SMAD7: variants seen among roughly 807,000 people sequenced by gnomAD.
SMAD7 encodes SMAD family member 7, also known as MAD (mothers against decapentaplegic, Drosophila) homolog 7.
Under a neutral mutation model 38.7 loss-of-function variants are expected in SMAD7, and 8 were observed. The observed-to-expected ratio is 0.21, with a 90% CI of 0.12 to 0.37. The LOEUF (loss-of-function observed/expected upper bound fraction) is 0.37. Among genes scored for constraint, SMAD7 ranks in the 10% least tolerant of loss-of-function variants. SMAD7 has a pLI of 1.00. For missense variants in SMAD7, 477 were observed against 577.9 expected (o/e 0.83, Z 1.79); for synonymous variants, 327 against 265.1 (o/e 1.23, Z -2.27).
chr18:48,926,331 A>AAG (rs1568298476), intron 3 of SMAD7, among the ~76,000 whole-genome samples: 25 of 152,060 alleles, frequency 1.6e-4, no homozygotes, highest in African/African-American at 6.0e-4. Flanking sequence ...CTTGGGGAAA[A>AAG]AAGCCAGTAA....
Position 48,921,215 on chromosome 18 carries a change from CACAA to C in SMAD7, c.*153_*156del. 1 of 650,540 alleles carries C rather than the reference CACAA, an allele frequency of 1.5e-6. No homozygotes were observed. 40.3% of individuals were successfully genotyped at this position (650,540 alleles called of 1,614,324 possible). A position where few individuals can be genotyped will look rare whatever the true frequency, so the allele number is the denominator to read the frequency against. ...TCTCAAAGAGCGAAACAAAACAGAA[CACAA>C]ACGAGGACGAGAAGAAGAAAACCAA... On this transcript the variant is annotated 3_prime_UTR_variant, in exon 4 of 4. Transcript: ENST00000262158. This position sits in a 1 kb window ranked among gnomAD's most constrained non-coding sequence, Gnocchi z 6.4.
intron 3 of SMAD7, among the ~76,000 whole-genome samples, chr18:48,930,726 T>C (rs12456328): frequency 0.86 from 131,210 of 152,144 alleles, 56,735 homozygotes; most frequent in Middle Eastern, 0.93. Flanking sequence ...TGCCGACACA[T>C]GAGGCACAAG....
intron 1 of SMAD7, chr18:48,949,290 A>G: frequency 2.0e-6 from 2 of 985,100 alleles, no homozygotes; most frequent in Middle Eastern, 5.2e-4. Flanking sequence ...CGGCCACGAC[A>G]GTATCTGGGC....
At chr18:48,924,752 G>C (rs1169210098) in intron 3 of SMAD7, among the ~76,000 whole-genome samples, 2 of 152,112 alleles carry the variant, frequency 1.3e-5, no homozygotes, top group African/African-American at 4.8e-5. Flanking sequence ...CCTCCCGTTA[G>C]GACAGCTCCA....
intron 3 of SMAD7, 73 bp downstream of exon 3, chr18:48,942,408 C>T: frequency 9.5e-7 from 1 of 1,056,712 alleles, no homozygotes; most frequent in South Asian, 1.6e-5. Flanking sequence ...CAGAAGGCCA[C>T]CCCCATTCCT....
At chr18:48,949,245 T>C in intron 1 of SMAD7, 11 of 982,394 alleles carry the variant, frequency 1.1e-5, no homozygotes, top group Non-Finnish European at 1.3e-5. Context: ...CGGCCTTCCA[T>C]CCAACTCTCT....
intron 2 of SMAD7, among the ~76,000 whole-genome samples, chr18:48,944,232 AC>A (rs1055682491): frequency 2.0e-5 from 3 of 151,912 alleles, no homozygotes; most frequent in African/African-American, 7.3e-5. Context: ...GATGGAAGAC[AC>A]CCCCACATTA....
In SMAD7 at chr18:48,950,642, C is replaced by T. The variant is rs1410651203; in HGVS notation, c.-218G>A. On this transcript the variant is annotated 5_prime_UTR_variant, in exon 1 of 4. Coordinates refer to ENST00000262158, the MANE Select transcript of SMAD7 (RefSeq NM_005904.4). ...GGCGCGCGCGGGGGCCCGGGGGCGC[C>T]CGCCGGGGATCGGGGGCCTGCGCTC... is the stretch of plus-strand genomic sequence containing the variant. The T allele has an allele frequency of 5.9e-6, 1 of 169,024 alleles. No homozygotes were observed. The highest frequency in any genetic ancestry group is 1.6e-4 in the East Asian group (1 of 6,352). 10.5% of individuals were successfully genotyped at this position (169,024 alleles called of 1,614,324 possible).
chr18:48,932,275 TCC>T (rs1264366320), intron 3 of SMAD7, among the ~76,000 whole-genome samples: 1 of 152,110 alleles, frequency 6.6e-6, no homozygotes, highest in African/African-American at 2.4e-5. Flanking sequence ...TCATTTAACC[TCC>T]GAGTGAGCCA....
chr18:48,925,272 A>C (rs558488381), intron 3 of SMAD7, among the ~76,000 whole-genome samples: 120 of 152,344 alleles, frequency 7.9e-4, no homozygotes, highest in African/African-American at 2.8e-3. Flanking sequence ...GTTTTAAAAC[A>C]GTATGTGTTC....
At chr18:48,933,872 C>A (rs2070032417) in intron 3 of SMAD7, 1 of 152,306 alleles carries the variant, frequency 6.6e-6, no homozygotes, top group African/African-American at 2.4e-5. Context: ...ACCCCAGGGC[C>A]CTTGTTGTGT....
chr18:48,935,170 C>A (rs1318699209), intron 3 of SMAD7, among the ~76,000 whole-genome samples: 1 of 152,146 alleles, frequency 6.6e-6, no homozygotes, highest in Non-Finnish European at 1.5e-5. Flanking sequence ...AACAGAGAGG[C>A]TGGGGGGCAG....
chr18:48,949,681 T>C (rs951398277), intron 1 of SMAD7, 131 bp downstream of exon 1: 4 of 967,706 alleles, frequency 4.1e-6, no homozygotes, highest in South Asian at 3.9e-5. Flanking sequence ...CCCAGGAGGG[T>C]ATGCACACTC....
Position 48,950,482 on chromosome 18 carries a change from C to T in SMAD7, c.-58G>A, listed in dbSNP as rs2070251267. 6.8e-7 allele frequency: 1 copy of T among 1,471,354 alleles called. No individual in the cohort carries two copies. 91.1% of individuals were successfully genotyped at this position (1,471,354 alleles called of 1,614,324 possible). On this transcript the variant is annotated 5_prime_UTR_variant, in exon 1 of 4. Transcript: ENST00000262158. ...GCCTGCTAAGGAGCGAACATGACCTCCGCACACCATGAAGAAGTCGGGCGC... is the reference window on the plus strand; with the variant it reads ...GCCTGCTAAGGAGCGAACATGACCTTCGCACACCATGAAGAAGTCGGGCGC...
chr18:48,943,276 C>T (rs553888535), intron 2 of SMAD7, among the ~76,000 whole-genome samples: 2 of 152,284 alleles, frequency 1.3e-5, no homozygotes, highest in South Asian at 4.2e-4. Context: ...GGCTCTCTGC[C>T]CTCAGTTCCT....
rs754787305 is a variant in SMAD7, at chr18:48,950,044, C to T, written c.381G>A (p.Leu127=). Residue 127 remains leucine (L), a synonymous_variant, in exon 1 of 4, where the codon CTG becomes CTA. Coordinates refer to ENST00000262158, the MANE Select transcript of SMAD7 (RefSeq NM_005904.4). ...GCCTGCAGTCCAGGCGGCCGGGCAG[C>T]AGGAGGCACGCGGTGCGCGTCCCGC... ...SRGGTRTACL[L]LPGRLDCRLG... is the part of the protein sequence containing the mutation. 43 of 1,438,658 alleles carry T rather than the reference C, an allele frequency of 3.0e-5. No homozygotes were observed. Among genetic ancestry groups the T allele is most frequent in the Non-Finnish European group, 3.4e-5 (37 of 1,099,112 alleles). The allele number at this position is 1,438,658 out of a possible 1,614,324, so 89.1% of individuals were successfully genotyped here. A position where few individuals can be genotyped will look rare whatever the true frequency, so the allele number is the denominator to read the frequency against.
In SMAD7 at chr18:48,921,401, A is replaced by G; in HGVS notation, c.1252T>C (p.Trp418Arg). ...TRQFISSCPCWLEVIFNSR is the reference protein window; with the variant it reads ...TRQFISSCPCRLEVIFNSR The stretch of plus-strand genomic sequence containing the variant: ...CGGCTGTTGAAGATGACCTCTAGCC[A>G]GCACGGGCAGCTGCTGATGAACTGG... The change falls in exon 4 of 4, where the codon TGG becomes CGG. Residue 418 changes from tryptophan (W) to arginine (R), a missense_variant. By Grantham distance (101) the Trp-to-Arg change is moderately radical. This residue lies in a region of SMAD7 where 101 missense variants were observed against 198.5 expected (regional missense o/e 0.51). Transcript: ENST00000262158. The surrounding 1 kb of genome is among the most constrained non-coding windows in gnomAD (Gnocchi z 6.4). The G allele has an allele frequency of 1.2e-6, 2 of 1,613,800 alleles. No homozygotes were observed. Among genetic ancestry groups the G allele is most frequent in the Non-Finnish European group, 1.7e-6 (2 of 1,179,728 alleles).
intron 3 of SMAD7, among the ~76,000 whole-genome samples, chr18:48,936,154 G>C (rs2070063961): frequency 6.9e-6 from 1 of 145,510 alleles, no homozygotes. Context: ...CAGGCTACCA[G>C]CCTTGCTCCC....
chr18:48,936,389 G>A (rs951956452), intron 3 of SMAD7, among the ~76,000 whole-genome samples: 15 of 152,152 alleles, frequency 9.9e-5, no homozygotes, highest in African/African-American at 3.4e-4. Context: ...TGCCACCAAT[G>A]GCATTGAATA....
Sources: allele counts gnomAD v4.1 joint callset (sites outside exome capture counted in the v4.1 genomes callset), GRCh38; gene constraint gnomAD v4.1.1; regional missense constraint gnomAD v4.1.1; non-coding constraint Gnocchi (gnomAD v3.1); transcripts MANE v1.5; gene names NCBI Gene and HGNC (gene_info 2026-07-23, HGNC 2026-07-21).